The following FGF14 variants were observed in gnomAD, a reference collection of about 807,000 sequenced individuals.
The protein encoded by FGF14 is fibroblast growth factor 14.
A neutral mutation model predicts 25.5 loss-of-function variants in FGF14; 5 were observed. The ratio of observed to expected loss-of-function variants is 0.20; its 90% CI spans 0.10 to 0.41. FGF14 has a LOEUF of 0.41. FGF14 is among the 10% of genes least tolerant of loss of function. FGF14 has a pLI of 1.00. For missense variants in FGF14, 222 were observed against 320.1 expected (o/e 0.69, Z 2.34); for synonymous variants, 138 against 118.3 (o/e 1.17, Z -1.08).
chr13:102,250,914 A>G (rs536569841), intron 1 of FGF14, among the ~76,000 whole-genome samples: 35 of 152,308 alleles, frequency 2.3e-4, no homozygotes, highest in South Asian at 2.3e-3. Flanking sequence ...AAATATCTTT[A>G]GAGTAATTTT....
intron 1 of FGF14, among the ~76,000 whole-genome samples, chr13:102,175,545 G>C (rs1457895285): frequency 6.6e-6 from 1 of 151,986 alleles, no homozygotes; most frequent in African/African-American, 2.4e-5. Flanking sequence ...ATCCTCAAAA[G>C]CAAATGTTAA....
At position 101,715,400 on chromosome 13, in the gene FGF14, G is replaced by T; in HGVS notation, c.*7431C>A. On this transcript the variant is annotated 3_prime_UTR_variant, in exon 5 of 5. Transcript: ENST00000376143. ...AATTGTTTGAAAGATTAGATGTCTC[G>T]CAGCTGCTTAATAAGATGTAATAAT... 1 of 617,988 alleles carries T rather than the reference G, an allele frequency of 1.6e-6. No homozygotes were observed. Among genetic ancestry groups the T allele is most frequent in the South Asian group, 2.0e-5 (1 of 50,376 alleles). The allele number at this position is 617,988 out of a possible 1,614,324, so 38.3% of individuals were successfully genotyped here.
At chr13:102,008,869 T>C (rs2039938568) in intron 1 of FGF14, among the ~76,000 whole-genome samples, 1 of 152,146 alleles carries the variant, frequency 6.6e-6, no homozygotes. Context: ...CAAGAAAGTG[T>C]CATCTGTTAA....
intron 1 of FGF14, among the ~76,000 whole-genome samples, chr13:102,033,050 C>T (rs1246562515): frequency 6.6e-6 from 1 of 152,074 alleles, no homozygotes; most frequent in Non-Finnish European, 1.5e-5. Flanking sequence ...GCCTCATACA[C>T]AAGAAAAATG....
intron 1 of FGF14, among the ~76,000 whole-genome samples, chr13:102,017,725 C>G (rs1271592330): frequency 6.6e-6 from 1 of 152,056 alleles, no homozygotes; most frequent in Non-Finnish European, 1.5e-5. Context: ...CTCATTATTC[C>G]GTTTTCCTGG....
chr13:101,913,029 G>A (rs371075896), intron 1 of FGF14, among the ~76,000 whole-genome samples: 19 of 152,222 alleles, frequency 1.2e-4, no homozygotes, highest in South Asian at 4.1e-4. Context: ...CAACAGTGAC[G>A]TATGAAATAC....
chr13:101,953,314 C>G (rs533498257), intron 1 of FGF14, among the ~76,000 whole-genome samples: 5 of 152,018 alleles, frequency 3.3e-5, no homozygotes, highest in South Asian at 2.1e-4. Flanking sequence ...ATTAATTCCA[C>G]CACCTGCACA....
chr13:102,120,406 A>ACACTACTC (rs2045664950), intron 1 of FGF14, among the ~76,000 whole-genome samples: 4 of 152,214 alleles, frequency 2.6e-5, no homozygotes, highest in Non-Finnish European at 5.9e-5. Flanking sequence ...AGTAGTGTTA[A>ACACTACTC]ATGAGGAGAG....
At chr13:101,925,982 C>A (rs1225397688) in intron 1 of FGF14, among the ~76,000 whole-genome samples, 1 of 152,170 alleles carries the variant, frequency 6.6e-6, no homozygotes, top group Admixed American at 6.5e-5. Context: ...TGTCACATTT[C>A]CTACTACTGA....
At chr13:102,178,732 G>A (rs1289319977) in intron 1 of FGF14, among the ~76,000 whole-genome samples, 1 of 151,978 alleles carries the variant, frequency 6.6e-6, no homozygotes, top group Non-Finnish European at 1.5e-5. Flanking sequence ...ATTCTTTTTT[G>A]TGGCTGAGTA....
chr13:101,938,511 T>C (rs1398292419), intron 1 of FGF14, among the ~76,000 whole-genome samples: 1 of 152,204 alleles, frequency 6.6e-6, no homozygotes, highest in Non-Finnish European at 1.5e-5. Context: ...GCTACCAAAA[T>C]ACTACTCTGC....
intron 1 of FGF14, among the ~76,000 whole-genome samples, chr13:102,039,254 A>G (rs996433120): frequency 6.6e-6 from 1 of 152,172 alleles, no homozygotes; most frequent in Non-Finnish European, 1.5e-5. Flanking sequence ...CTGTTTCAAG[A>G]TAACTTTCTT....
At chr13:102,084,031 G>A (rs562307555) in intron 1 of FGF14, among the ~76,000 whole-genome samples, 1 of 151,930 alleles carries the variant, frequency 6.6e-6, no homozygotes, top group East Asian at 1.9e-4. Context: ...TCTTGTAACT[G>A]GCCTTTTTTT....
chr13:102,029,066 G>A (rs2041080826), intron 1 of FGF14, among the ~76,000 whole-genome samples: 1 of 152,014 alleles, frequency 6.6e-6, no homozygotes, highest in African/African-American at 2.4e-5. Flanking sequence ...AAACAATGGT[G>A]ACAGGATTGT....
chr13:102,131,229 G>A (rs549085438), intron 1 of FGF14, among the ~76,000 whole-genome samples: 5 of 152,220 alleles, frequency 3.3e-5, no homozygotes, highest in African/African-American at 9.6e-5. Flanking sequence ...TATTGCTGGC[G>A]TACTTGCTAC....
chr13:102,386,938 C>CT (rs2058318763), intron 1 of FGF14, among the ~76,000 whole-genome samples: 4 of 152,178 alleles, frequency 2.6e-5, no homozygotes, highest in Non-Finnish European at 5.9e-5. Context: ...ACTAAAATGA[C>CT]AGAATTCAGG....
chr13:101,715,906 A>G lies in FGF14; in HGVS notation c.*6925T>C, dbSNP rs751534156. ...GGTTCCTAACGAGAGCAATTTTTCC[A>G]CCCAAAAGTCATTTGGCAACATCTA... On this transcript the variant is annotated 3_prime_UTR_variant, in exon 5 of 5. Transcript: ENST00000376143. The G allele has an allele frequency of 7.7e-6, 3 of 390,474 alleles. No individual in the cohort carries two copies. Among genetic ancestry groups the G allele is most frequent in the Non-Finnish European group, 1.4e-5 (3 of 211,914 alleles). 24.2% of individuals were successfully genotyped at this position (390,474 alleles called of 1,614,324 possible).
At chr13:102,247,784 G>A (rs1280907470) in intron 1 of FGF14, among the ~76,000 whole-genome samples, 1 of 152,092 alleles carries the variant, frequency 6.6e-6, no homozygotes, top group Non-Finnish European at 1.5e-5. Flanking sequence ...AATGGCACAT[G>A]CACACATATG....
chr13:102,399,550 G>C (rs969479830), intron 1 of FGF14, among the ~76,000 whole-genome samples: 2 of 152,204 alleles, frequency 1.3e-5, no homozygotes, highest in African/African-American at 4.8e-5. Context: ...TGTTGCAGAT[G>C]TAAGTTGGTT....
Sources: allele counts gnomAD v4.1 joint callset (sites outside exome capture counted in the v4.1 genomes callset), GRCh38; gene constraint gnomAD v4.1.1; transcripts MANE v1.5; gene names NCBI Gene and HGNC (gene_info 2026-07-23, HGNC 2026-07-21).